Variants in NAV1 observed in about 807,000 individuals in gnomAD.
NAV1 encodes pore membrane and/or filament interacting like protein 3.
NAV1 carries 18 observed loss-of-function variants against 175.2 expected under a neutral mutation model. That is an observed-to-expected ratio of 0.10 (90% CI 0.07 to 0.15). The LOEUF (loss-of-function observed/expected upper bound fraction) is 0.15, where lower values mean the gene tolerates loss of function less well. Ranked by LOEUF, NAV1 falls within the 10% of genes least tolerant of loss-of-function variation. The probability of loss-of-function intolerance (pLI) is 1.00; values close to 1 mark genes in which losing one functional copy is unlikely to be tolerated. For missense variants in NAV1, 1,731 were observed against 2,436.6 expected, an observed-to-expected ratio of 0.71 and a Z score of 6.10; for synonymous variants, 897 against 978.7, an observed-to-expected ratio of 0.92 and a Z score of 1.56.
intron 2 of NAV1, among the ~76,000 whole-genome samples, chr1:201,596,035 C>A (rs1667338359): frequency 1.3e-5 from 2 of 152,216 alleles, no homozygotes; most frequent in Non-Finnish European, 2.9e-5. Context: ...CTTAGCGACC[C>A]CACGTCTTGA....
chr1:201,746,694 G>A (rs1298974368), intron 3 of NAV1, among the ~76,000 whole-genome samples: 2 of 152,122 alleles, frequency 1.3e-5, no homozygotes, highest in East Asian at 3.9e-4. Flanking sequence ...TTCAAATGTA[G>A]ACTGCATCAA....
At chr1:201,612,762 C>G (rs1175007485) in intron 2 of NAV1, among the ~76,000 whole-genome samples, 1 of 152,190 alleles carries the variant, frequency 6.6e-6, no homozygotes, top group Non-Finnish European at 1.5e-5. Flanking sequence ...GGAGAGGACA[C>G]AAGCACTCGG....
intron 1 of NAV1, among the ~76,000 whole-genome samples, chr1:201,681,049 C>T (rs1670445009): frequency 6.6e-6 from 1 of 152,092 alleles, no homozygotes; most frequent in South Asian, 2.1e-4. Flanking sequence ...TGTTTCCTGA[C>T]TTCCCTCCTT....
At chr1:201,622,809 TG>T (rs1450869112), upstream of NAV1, 1 of 984,436 alleles carries the variant, frequency 1.0e-6, no homozygotes, top group African/African-American at 1.7e-5. Context: ...TGGAAGCTTG[TG>T]GGGATGTGCC....
At chr1:201,626,199 AC>A (rs1668326110) in intron 1 of NAV1, among the ~76,000 whole-genome samples, 1 of 152,224 alleles carries the variant, frequency 6.6e-6, no homozygotes. Context: ...AGGCTGGGCC[AC>A]CCTTCAAAGC....
intron 16 of NAV1, 47 bp from the exon 21 acceptor site, chr1:201,804,442 T>C (rs200165029): frequency 2.7e-5 from 42 of 1,534,804 alleles, no homozygotes; most frequent in Non-Finnish European, 3.6e-5. Flanking sequence ...TTGATTCTTT[T>C]TTTTTTTCCT....
chr1:201,756,202 T>C (rs1378072542), intron 3 of NAV1, among the ~76,000 whole-genome samples: 1 of 151,454 alleles, frequency 6.6e-6, no homozygotes. Flanking sequence ...TAAGGAGCAG[T>C]GTTCCAAGTA....
At chr1:201,791,853 A>G (rs704633) in intron 13 of NAV1, 79,636 of 151,920 alleles carry the variant, frequency 0.52, 23,777 homozygotes, top group East Asian at 0.66. Flanking sequence ...CTCTTGGGGG[A>G]CCCATAAGAA....
chr1:201,573,748 G>T (rs1442388015), intron 1 of NAV1, among the ~76,000 whole-genome samples: 1 of 152,074 alleles, frequency 6.6e-6, no homozygotes, highest in African/African-American at 2.4e-5. Context: ...ATTGGTTTGG[G>T]GTCATGGACC....
intron 1 of NAV1, among the ~76,000 whole-genome samples, chr1:201,579,723 T>A: frequency 6.6e-6 from 1 of 152,158 alleles, no homozygotes; most frequent in East Asian, 1.9e-4. Context: ...ATGTCCAGGG[T>A]TTTTAGTTGT....
At chr1:201,732,976 C>T (rs552728665) in intron 3 of NAV1, among the ~76,000 whole-genome samples, 2 of 152,038 alleles carry the variant, frequency 1.3e-5, no homozygotes, top group African/African-American at 4.8e-5. Flanking sequence ...GAGGCTGAGA[C>T]ATAAGAATTG....
intron 1 of NAV1, among the ~76,000 whole-genome samples, chr1:201,572,664 G>A (rs1666580736): frequency 1.3e-5 from 2 of 152,026 alleles, no homozygotes; most frequent in African/African-American, 4.8e-5. Flanking sequence ...CACCGCGCCT[G>A]GCCAGATTCT....
intron 1 of NAV1, among the ~76,000 whole-genome samples, chr1:201,556,620 C>A (rs953946502): frequency 6.6e-6 from 1 of 152,084 alleles, no homozygotes; most frequent in Non-Finnish European, 1.5e-5. Flanking sequence ...AACTGGGGGG[C>A]CTTCCAGGCA....
chr1:201,742,662 C>T (rs1262724458), intron 3 of NAV1, among the ~76,000 whole-genome samples: 4 of 152,150 alleles, frequency 2.6e-5, no homozygotes, highest in Non-Finnish European at 4.4e-5. Context: ...TCAGTGGGAA[C>T]AAGACTCGCT....
intron 2 of NAV1, among the ~76,000 whole-genome samples, chr1:201,596,813 TTTTGTTTG>T (rs35430031): frequency 7.3e-5 from 11 of 151,562 alleles, no homozygotes; most frequent in Non-Finnish European, 1.2e-4. Context: ...TTTGTTTGTT[TTTTGTTTG>T]TTTGTTTGTT....
intron 2 of NAV1, among the ~76,000 whole-genome samples, chr1:201,642,560 C>CTTT (rs1491393436): frequency 0.058 from 1,874 of 32,374 alleles, 48 homozygotes; most frequent in Middle Eastern, 0.1. Flanking sequence ...TTTCTTTTTT[C>CTTT]CCTTTCTTCC....
intron 1 of NAV1, among the ~76,000 whole-genome samples, chr1:201,695,927 G>A (rs1373754751): frequency 7.9e-5 from 12 of 152,326 alleles, no homozygotes; most frequent in South Asian, 4.1e-4. Flanking sequence ...TTTCCTCTTC[G>A]TATCCCTGCC....
chr1:201,645,180 A>G (rs1668934215), upstream of NAV1, among the ~76,000 whole-genome samples: 1 of 152,194 alleles, frequency 6.6e-6, no homozygotes. Context: ...GACTGGATCA[A>G]GAAGATGTGG....
intron 3 of NAV1, among the ~76,000 whole-genome samples, chr1:201,727,945 G>A (rs1247414860): frequency 1.3e-5 from 2 of 152,018 alleles, no homozygotes; most frequent in African/African-American, 2.4e-5. Flanking sequence ...AGTCACAGGC[G>A]CCCACAGTCA....
Sources: allele counts gnomAD v4.1 joint callset (sites outside exome capture counted in the v4.1 genomes callset), GRCh38; gene constraint gnomAD v4.1.1; transcripts MANE v1.5; gene names NCBI Gene and HGNC (gene_info 2026-07-23, HGNC 2026-07-21).